Variants in EFHC1 observed in about 807,000 individuals in gnomAD.
The protein encoded by EFHC1 is EF-hand domain-containing protein 1.
In EFHC1, 53 loss-of-function variants were observed where a neutral mutation model predicts 69.9. The observed-to-expected ratio is 0.76, with a 90% CI of 0.61 to 0.95. EFHC1 has a LOEUF of 0.95. Among genes scored for constraint, EFHC1 ranks in the 40% least tolerant of loss-of-function variants. The pLI is 0.00. For synonymous variants in EFHC1, 256 were observed against 278.4 expected (o/e 0.92, Z 0.80); for missense variants, 739 against 798.7 (o/e 0.93, Z 0.90).
chr6:52,447,133 CT>C (rs1354895207), intron 3 of EFHC1, among the ~76,000 whole-genome samples: 3 of 152,192 alleles, frequency 2.0e-5, no homozygotes, highest in African/African-American at 7.2e-5. Context: ...GGGAAGTTCT[CT>C]TGGATAATAT....
chr6:52,426,534 G>A (rs145994464), intron 2 of EFHC1, among the ~76,000 whole-genome samples: 65 of 152,130 alleles, frequency 4.3e-4, no homozygotes, highest in African/African-American at 1.4e-3. Flanking sequence ...TCACCTCACC[G>A]TAGAGAATGT....
At chr6:52,471,843 G>A (rs951611845) in intron 7 of EFHC1, among the ~76,000 whole-genome samples, 1 of 151,914 alleles carries the variant, frequency 6.6e-6, no homozygotes. Context: ...ACTCCAGCCT[G>A]GGCGACAGAG....
chr6:52,427,579 A>G (rs1314540825), intron 2 of EFHC1, among the ~76,000 whole-genome samples: 1 of 148,838 alleles, frequency 6.7e-6, no homozygotes. Context: ...CCTTTGCAGC[A>G]CTATATTATA....
chr6:52,432,546 G>T (rs1764439053), intron 2 of EFHC1, among the ~76,000 whole-genome samples: 1 of 152,128 alleles, frequency 6.6e-6, no homozygotes, highest in Non-Finnish European at 1.5e-5. Context: ...ATCCCTTCTA[G>T]CTTGTAGGGT....
chr6:52,482,571 C>T, intron 9 of EFHC1: 1 of 374,844 alleles, frequency 2.7e-6, no homozygotes, highest in Non-Finnish European at 4.7e-6. Flanking sequence ...AACGTCTGTT[C>T]TGTGCCTTGG....
intron 7 of EFHC1, among the ~76,000 whole-genome samples, chr6:52,472,186 AAG>A (rs932970563): frequency 4.6e-5 from 7 of 152,096 alleles, no homozygotes; most frequent in African/African-American, 1.7e-4. Context: ...AATAAAAAAA[AAG>A]AATAAAAGGG....
chr6:52,434,377 G>A (rs1029646402), intron 2 of EFHC1, among the ~76,000 whole-genome samples: 2 of 152,090 alleles, frequency 1.3e-5, no homozygotes, highest in Admixed American at 6.6e-5. Flanking sequence ...CTCTACCCCC[G>A]TATTTCACTC....
intron 9 of EFHC1, chr6:52,484,308 T>A (rs1765742404): frequency 1.3e-5 from 2 of 152,342 alleles, no homozygotes; most frequent in East Asian, 3.9e-4. Context: ...TGTTTATATC[T>A]ATTGCTATTT....
chr6:52,471,916 A>T (rs947102229), intron 7 of EFHC1, among the ~76,000 whole-genome samples: 6 of 151,270 alleles, frequency 4.0e-5, no homozygotes, highest in Non-Finnish European at 5.9e-5. Context: ...TTAAAAAAAA[A>T]ATTTTTAAAA....
intron 9 of EFHC1, chr6:52,482,777 T>C: frequency 2.5e-6 from 1 of 398,630 alleles, no homozygotes; most frequent in East Asian, 3.6e-5. Flanking sequence ...CTCATTTATG[T>C]TGATAGGTTT....
At chr6:52,470,535 G>A (rs139246931) in intron 7 of EFHC1, among the ~76,000 whole-genome samples, 154 of 152,258 alleles carry the variant, frequency 1.0e-3, no homozygotes, top group African/African-American at 3.1e-3. Context: ...CATGAGTAAG[G>A]CAATACAATA....
intron 5 of EFHC1, among the ~76,000 whole-genome samples, chr6:52,458,541 A>G (rs1765093936): frequency 6.6e-6 from 1 of 152,224 alleles, no homozygotes; most frequent in South Asian, 2.1e-4. Context: ...GACAACAAAC[A>G]TTTTAAAAAT....
chr6:52,437,409 T>G (rs766707163), intron 2 of EFHC1, among the ~76,000 whole-genome samples: 10 of 152,188 alleles, frequency 6.6e-5, no homozygotes, highest in Admixed American at 5.2e-4. Context: ...TTTATACACA[T>G]TGTGAGTATT....
chr6:52,492,538 G>A lies in EFHC1; in HGVS notation c.*197G>A. ...TTGGTGCCTTATTTAGGGTGATAGG[G>A]GTATAGCAATGTCTAATTTTGTGTG... is the stretch of plus-strand genomic sequence containing the variant. On this transcript the variant is annotated 3_prime_UTR_variant, in exon 11 of 11. Coordinates refer to ENST00000371068, the MANE Select transcript of EFHC1 (RefSeq NM_018100.4). The A allele has an allele frequency of 1.4e-6, 1 of 693,392 alleles. No individual in the cohort carries two copies. Among genetic ancestry groups the A allele is most frequent in the East Asian group, 2.8e-5 (1 of 36,058 alleles). The allele number at this position is 693,392 out of a possible 1,614,324, so 43.0% of individuals were successfully genotyped here. A position where few individuals can be genotyped will look rare whatever the true frequency, so the allele number is the denominator to read the frequency against.
chr6:52,492,379 G>A lies in EFHC1; in HGVS notation c.*38G>A, dbSNP rs370296690. The A allele has an allele frequency of 2.9e-5, 45 of 1,578,104 alleles. No homozygotes were observed. The African/African-American group carries it at 6.1e-4, about 21-fold the overall frequency. On this transcript the variant is annotated 3_prime_UTR_variant, in exon 11 of 11. Transcript: ENST00000371068. ...AAAATGCAAGACAATTTTTGATACT[G>A]GAACTATGCTTTGAAATACACCTTA... is the stretch of plus-strand genomic sequence containing the variant.
chr6:52,446,253 G>A (rs889216671), intron 3 of EFHC1, among the ~76,000 whole-genome samples: 11 of 152,148 alleles, frequency 7.2e-5, no homozygotes, highest in Non-Finnish European at 1.6e-4. Context: ...CCTGTATTGG[G>A]TGCATATATA....
rs183542987 is a variant in EFHC1, at chr6:52,433,927, C to T, written c.286-4377C>T. Among the ~76,000 whole-genome samples, 850 of 152,200 alleles carry T rather than the reference C, an allele frequency of 5.6e-3. 14 individuals are homozygous for T. Among genetic ancestry groups the T allele is most frequent in the African/African-American group, 0.019 (780 of 41,518 alleles). On this transcript the variant is annotated intron_variant, in intron 2 of 10. Transcript: ENST00000371068. ...CCTAGGAAGATTATGGCTGCCTCTA[C>T]TGTATACTTCAGGTTGTCAGGGAAG...
chr6:52,453,069 G>C (rs567642248), intron 4 of EFHC1: 1 of 1,494,522 alleles, frequency 6.7e-7, no homozygotes, highest in African/African-American at 1.4e-5. Context: ...GTTGTTTTGT[G>C]AACCTCACCA....
rs1765953273 is a variant in EFHC1 at position 52,493,344 on chromosome 6, C to T, written c.*1003C>T. 1 of 323,552 alleles carries T rather than the reference C, an allele frequency of 3.1e-6. No homozygotes were observed. Among genetic ancestry groups the T allele is most frequent in the Non-Finnish European group, 5.9e-6 (1 of 169,018 alleles). 20.0% of individuals were successfully genotyped at this position (323,552 alleles called of 1,614,324 possible). ...TAATTGTGTGAGCAATTTCTTATAA[C>T]TCTCTCTTTCTCTCTCTCTACATAT... On this transcript the variant is annotated 3_prime_UTR_variant, in exon 11 of 11. Coordinates refer to ENST00000371068, the MANE Select transcript of EFHC1 (RefSeq NM_018100.4).
Sources: allele counts gnomAD v4.1 joint callset (sites outside exome capture counted in the v4.1 genomes callset), GRCh38; gene constraint gnomAD v4.1.1; transcripts MANE v1.5; gene names NCBI Gene and HGNC (gene_info 2026-07-23, HGNC 2026-07-21).